Variants in PPP2R2D observed in about 807,000 individuals in gnomAD.
PPP2R2D encodes protein phosphatase 2 regulatory subunit Bdelta.
In PPP2R2D, 9 loss-of-function variants were observed where a neutral mutation model predicts 31.1. That is an observed-to-expected ratio of 0.29 (90% confidence interval 0.17 to 0.51). The LOEUF (loss-of-function observed/expected upper bound fraction) is 0.51. Ranked by LOEUF, PPP2R2D falls within the 20% of genes least tolerant of loss-of-function variation. The probability of loss-of-function intolerance (pLI) is 0.98; values close to 1 mark genes in which losing one functional copy is unlikely to be tolerated. For missense variants in PPP2R2D, 391 were observed against 465.6 expected (o/e 0.84, Z 1.48); for synonymous variants, 179 against 172.6 (o/e 1.04, Z -0.29).
intron 8 of PPP2R2D, among the ~76,000 whole-genome samples, chr10:131,949,124 C>T (rs2036596216): frequency 6.6e-6 from 1 of 152,210 alleles, no homozygotes; most frequent in African/African-American, 2.4e-5. Flanking sequence ...ACCTGCCAGC[C>T]TGTAGCATCT....
intron 3 of PPP2R2D, 90 bp from the exon 4 acceptor site, chr10:131,939,941 G>T (rs1195895007): frequency 9.4e-5 from 36 of 384,584 alleles, no homozygotes; most frequent in Middle Eastern, 7.7e-4. Context: ...TAAAAAATAT[G>T]TATGGTCATT....
At chr10:131,944,668 G>A (rs1429732496) in intron 6 of PPP2R2D, among the ~76,000 whole-genome samples, 2 of 152,120 alleles carry the variant, frequency 1.3e-5, no homozygotes, top group East Asian at 1.9e-4. Flanking sequence ...GGTCCCTGCC[G>A]TCCTCCCTCT....
intron 2 of PPP2R2D, among the ~76,000 whole-genome samples, chr10:131,902,711 A>G (rs990018177): frequency 6.6e-6 from 1 of 152,222 alleles, no homozygotes; most frequent in Non-Finnish European, 1.5e-5. Flanking sequence ...GGAGTAGGAA[A>G]GTGAGAGGGC....
intron 2 of PPP2R2D, among the ~76,000 whole-genome samples, chr10:131,917,602 C>G (rs2035837719): frequency 7.7e-6 from 1 of 130,486 alleles, no homozygotes; most frequent in African/African-American, 3.0e-5. Context: ...GTAGGGACCT[C>G]ACGTGGGTGG....
rs1268772457 is a variant in PPP2R2D, at chr10:131,957,025, A to G, written c.*1062A>G. On this transcript the variant is annotated 3_prime_UTR_variant, in exon 9 of 9. Transcript: ENST00000455566. ...CCACCAGTACGTTGGTTTATTTTCA[A>G]AGTAGGATCTTTGATACCAGAAATC... The G allele has an allele frequency of 6.6e-6, 1 of 152,278 alleles. No homozygotes were observed. The highest frequency in any genetic ancestry group is 2.4e-5 in the African/African-American group (1 of 41,458). The allele number at this position is 152,278 out of a possible 1,614,324, so 9.4% of individuals were successfully genotyped here.
downstream of PPP2R2D, among the ~76,000 whole-genome samples, chr10:131,961,174 T>C (rs2036914735): frequency 6.6e-6 from 1 of 152,110 alleles, no homozygotes. Context: ...CCCCAACCCC[T>C]GGGAGAGGCC....
At chr10:131,954,649 CCT>C (rs2036760501) in intron 8 of PPP2R2D, among the ~76,000 whole-genome samples, 3 of 150,508 alleles carry the variant, frequency 2.0e-5, no homozygotes, top group Non-Finnish European at 4.4e-5. Flanking sequence ...TTTTTTTTCC[CCT>C]GCTTTGAAGT....
intron 2 of PPP2R2D, among the ~76,000 whole-genome samples, chr10:131,922,091 A>C (rs2035997156): frequency 6.6e-6 from 1 of 152,178 alleles, no homozygotes; most frequent in African/African-American, 2.4e-5. Context: ...CAGTGGTTTA[A>C]TATGGTTCCC....
At position 131,947,717 on chromosome 10, in the gene PPP2R2D, C is replaced by T; in HGVS notation, c.1008C>T (p.Arg336=). 1 of 1,614,182 alleles carries T rather than the reference C, an allele frequency of 6.2e-7. No homozygotes were observed. The highest frequency in any genetic ancestry group is 8.5e-7 in the Non-Finnish European group (1 of 1,180,042). The part of the protein sequence containing the change: ...VETHQVHEYL[R]SKLCSLYEND... ...CCCACCAGGTCCACGAGTACCTGCG[C>T]AGCAAGCTCTGCTCTCTCTATGAGA... is the stretch of plus-strand genomic sequence containing the variant. The change falls in exon 8 of 9, where the codon CGC becomes CGT. Residue 336 remains arginine (R), a synonymous_variant. Coordinates refer to ENST00000455566, the MANE Select transcript of PPP2R2D (RefSeq NM_018461.5). This position sits in a 1 kb window ranked among gnomAD's most constrained non-coding sequence, Gnocchi z 4.3.
intron 6 of PPP2R2D, among the ~76,000 whole-genome samples, chr10:131,944,826 G>T (rs544377352): frequency 1.3e-5 from 2 of 152,254 alleles, no homozygotes; most frequent in South Asian, 4.2e-4. Flanking sequence ...AAGGATTTCT[G>T]TATAGGATTT....
At chr10:131,961,871 C>T (rs12761761), downstream of PPP2R2D, among the ~76,000 whole-genome samples, 31,365 of 151,702 alleles carry the variant, frequency 0.21, 3,403 homozygotes, top group South Asian at 0.26. Flanking sequence ...GACAGTCTCC[C>T]ACCCCATCTG....
chr10:131,946,317 T>C (rs1215440568), intron 7 of PPP2R2D, among the ~76,000 whole-genome samples: 1 of 152,222 alleles, frequency 6.6e-6, no homozygotes, highest in Non-Finnish European at 1.5e-5. Context: ...CGTGTCCCAG[T>C]GTCCTGAAAC....
intron 2 of PPP2R2D, among the ~76,000 whole-genome samples, chr10:131,931,345 G>GT (rs1298251158): frequency 2.0e-5 from 3 of 152,192 alleles, no homozygotes; most frequent in African/African-American, 4.8e-5. Context: ...CCTTGTTTTT[G>GT]TTTTTTTGTT....
chr10:131,934,467 T>C lies in PPP2R2D; in HGVS notation c.110T>C (p.Ile37Thr). The part of the protein sequence containing the change: ...IDEDVAEADI[I>T]STVEFNYSGD... ...TGTATTTTGTTGACAGCGGACATCA[T>C]TTCCACCGTTGAGTTTAATTACTCT... Residue 37 changes from isoleucine (I) to threonine (T), a missense_variant, in exon 3 of 9, where the codon ATT becomes ACT. Coordinates refer to ENST00000455566, the MANE Select transcript of PPP2R2D (RefSeq NM_018461.5). 1 of 779,098 alleles carries C rather than the reference T, an allele frequency of 1.3e-6. No homozygotes were observed. The highest frequency in any genetic ancestry group is 2.4e-6 in the Non-Finnish European group (1 of 417,524). The allele number at this position is 779,098 out of a possible 1,614,324, so 48.3% of individuals were successfully genotyped here.
chr10:131,970,716 CCTTT>C, the PPP2R2D span: 5 of 1,614,204 alleles, frequency 3.1e-6, no homozygotes, highest in Non-Finnish European at 4.2e-6. The surrounding 1 kb of genome is among the most constrained non-coding windows in gnomAD (Gnocchi z 4.1). Context: ...GAATATGCCC[CCTTT>C]CTTCATGACG....
At chr10:131,911,360 GT>G in intron 2 of PPP2R2D, among the ~76,000 whole-genome samples, 1 of 152,292 alleles carries the variant, frequency 6.6e-6, no homozygotes, top group Non-Finnish European at 1.5e-5. Flanking sequence ...TTTGTTTTTT[GT>G]TTTTCAACCC....
the PPP2R2D span, chr10:131,970,908 A>T: frequency 6.2e-7 from 1 of 1,614,178 alleles, no homozygotes; most frequent in South Asian, 1.1e-5. This position sits in a 1 kb window ranked among gnomAD's most constrained non-coding sequence, Gnocchi z 4.1. Context: ...CCCATATCCA[A>T]TCTGAGTTTT....
chr10:131,947,677 G>A lies in PPP2R2D; in HGVS notation c.968G>A (p.Ser323Asn). 1 of 1,614,224 alleles carries A rather than the reference G, an allele frequency of 6.2e-7. No homozygotes were observed. Among genetic ancestry groups the A allele is most frequent in the Admixed American group, 1.7e-5 (1 of 60,028 alleles). Residue 323 changes from serine (S) to asparagine (N), a missense_variant, in exon 8 of 9, where the codon AGC becomes AAC. By Grantham distance (46) the Ser-to-Asn change is conservative. Around this residue, in one of 3 missense-constraint regions of PPP2R2D, gnomAD observed 123 missense variants for 187.7 expected, o/e 0.66. Transcript: ENST00000455566. This position sits in a 1 kb window ranked among gnomAD's most constrained non-coding sequence, Gnocchi z 4.3. Reference protein sequence around the residue: ...SVKVWDLNMESRPVETHQVHE... With the variant: ...SVKVWDLNMENRPVETHQVHE... ...AAGGTGTGGGACCTCAACATGGAGA[G>A]CAGGCCGGTGGAGACCCACCAGGTC...
chr10:131,911,706 C>T (rs1172700026), intron 2 of PPP2R2D: 1 of 150,512 alleles, frequency 6.6e-6, no homozygotes, highest in Non-Finnish European at 1.5e-5. Flanking sequence ...TGAAAATAGT[C>T]TTGACCTCAC....
Sources: allele counts gnomAD v4.1 joint callset (sites outside exome capture counted in the v4.1 genomes callset), GRCh38; gene constraint gnomAD v4.1.1; regional missense constraint gnomAD v4.1.1; non-coding constraint Gnocchi (gnomAD v3.1); transcripts MANE v1.5; gene names NCBI Gene and HGNC (gene_info 2026-07-23, HGNC 2026-07-21).